The following SAMMSON variants were observed in gnomAD, a reference collection of about 807,000 sequenced individuals.
SAMMSON encodes the protein long intergenic non-protein coding RNA 1212.
chr3:70,409,943 C>T (rs978753218), intron 2 of SAMMSON, among the ~76,000 whole-genome samples: 1 of 152,046 alleles, frequency 6.6e-6, no homozygotes, highest in African/African-American at 2.4e-5. Flanking sequence ...GAGCATAATA[C>T]CCAACAGTTT....
At chr3:70,061,221 T>C (rs1333922848) in intron 3 of SAMMSON, among the ~76,000 whole-genome samples, 2 of 152,086 alleles carry the variant, frequency 1.3e-5, no homozygotes, top group Middle Eastern at 3.4e-3. Context: ...TGTGTTGTGG[T>C]TGAGATACCG....
intron 4 of SAMMSON, among the ~76,000 whole-genome samples, chr3:70,224,405 T>C (rs907898729): frequency 1.3e-5 from 2 of 152,228 alleles, no homozygotes; most frequent in Non-Finnish European, 2.9e-5. Flanking sequence ...CTACCTATTC[T>C]AGAAGCCCTT....
chr3:70,029,479 C>T (rs536445942), intron 3 of SAMMSON, among the ~76,000 whole-genome samples: 12 of 152,138 alleles, frequency 7.9e-5, no homozygotes, highest in Admixed American at 6.5e-4. Context: ...TTTGGCGGGG[C>T]GTGGTAGCTC....
chr3:70,028,641 A>C (rs1200780955), intron 3 of SAMMSON, among the ~76,000 whole-genome samples: 1 of 152,212 alleles, frequency 6.6e-6, no homozygotes, highest in Non-Finnish European at 1.5e-5. Context: ...GGTAGAAGAC[A>C]TTCCTTTGGG....
intron 4 of SAMMSON, among the ~76,000 whole-genome samples, chr3:70,227,419 A>C (rs1366819397): frequency 6.6e-6 from 1 of 152,196 alleles, no homozygotes; most frequent in African/African-American, 2.4e-5. Flanking sequence ...CAAGTTCTGC[A>C]AAGAAGGCAA....
rs565833092 is a variant in SAMMSON, at chr3:70,307,250, G to A, written n.739+16007G>A. On this transcript the variant is annotated intron_variant and non_coding_transcript_variant, in intron 7 of 9. Coordinates refer to ENST00000642114, the Ensembl canonical transcript of SAMMSON. ...GTTACTTAACCTTTAACAATCAGGAGATCTCACAAAGAAATCCAGATTTCC... is the reference window on the plus strand; with the variant it reads ...GTTACTTAACCTTTAACAATCAGGAAATCTCACAAAGAAATCCAGATTTCC... 1.4e-4 allele frequency among the ~76,000 whole-genome samples: 21 copies of A among 152,164 alleles called. No homozygotes were observed. In the South Asian group the frequency reaches 3.9e-3, roughly 29 times the overall value.
chr3:70,270,650 A>T (rs1701967233), intron 6 of SAMMSON, among the ~76,000 whole-genome samples: 1 of 152,190 alleles, frequency 6.6e-6, no homozygotes, highest in African/African-American at 2.4e-5. Flanking sequence ...CCTGGGATGG[A>T]TCTTTAATAT....
intron 4 of SAMMSON, among the ~76,000 whole-genome samples, chr3:70,122,285 T>A (rs1226468340): frequency 6.6e-6 from 1 of 152,142 alleles, no homozygotes; most frequent in Admixed American, 6.5e-5. Flanking sequence ...CTTTACCTCC[T>A]GGGCTCAAGC....
At chr3:70,231,072 C>T (rs1278335675) in intron 4 of SAMMSON, among the ~76,000 whole-genome samples, 4 of 152,178 alleles carry the variant, frequency 2.6e-5, no homozygotes, top group African/African-American at 9.7e-5. Context: ...TTCTACCATT[C>T]CTGACATAAC....
At chr3:70,198,198 A>G (rs1701200180) in intron 4 of SAMMSON, among the ~76,000 whole-genome samples, 2 of 152,192 alleles carry the variant, frequency 1.3e-5, no homozygotes, top group South Asian at 2.1e-4. Flanking sequence ...GTAACATTCT[A>G]GCATGAATTA....
At chr3:70,329,518 T>C (rs1049079299) in intron 7 of SAMMSON, among the ~76,000 whole-genome samples, 1 of 151,916 alleles carries the variant, frequency 6.6e-6, no homozygotes, top group African/African-American at 2.4e-5. Flanking sequence ...AAAAATATTG[T>C]ATTATAGAAA....
intron 6 of SAMMSON, among the ~76,000 whole-genome samples, chr3:70,285,393 G>T (rs1405489110): frequency 6.6e-6 from 1 of 151,822 alleles, no homozygotes; most frequent in South Asian, 2.1e-4. Flanking sequence ...GAACTCATCA[G>T]TTTTTATGGC....
intron 4 of SAMMSON, among the ~76,000 whole-genome samples, chr3:70,245,640 G>A (rs1268446115): frequency 1.7e-5 from 2 of 118,742 alleles, no homozygotes; most frequent in Non-Finnish European, 3.4e-5. Context: ...ATCAGAATAT[G>A]GATTCTTGCA....
chr3:70,399,737 G>C (rs925507720), intron 2 of SAMMSON, among the ~76,000 whole-genome samples: 1 of 151,610 alleles, frequency 6.6e-6, no homozygotes, highest in Non-Finnish European at 1.5e-5. Flanking sequence ...GGATGTGGTG[G>C]TGTGTGCCTG....
intron 7 of SAMMSON, among the ~76,000 whole-genome samples, chr3:70,350,424 G>T (rs71298340): frequency 6.6e-6 from 1 of 151,848 alleles, no homozygotes; most frequent in East Asian, 1.9e-4. Context: ...TTAAAGTATA[G>T]TATTGGTATC....
chr3:70,143,594 G>A lies in SAMMSON; in HGVS notation n.507+72029G>A, dbSNP rs1353098250. On this transcript the variant is annotated intron_variant and non_coding_transcript_variant, in intron 4 of 9. Coordinates refer to ENST00000642114, the Ensembl canonical transcript of SAMMSON. Reference sequence around the variant, plus strand: ...CATCCTATTGGGTTTGGCCAATGGGGGTTTCCAGCAGAGAGTAAGAGGGTG... The same window carrying A: ...CATCCTATTGGGTTTGGCCAATGGGAGTTTCCAGCAGAGAGTAAGAGGGTG... Among the ~76,000 whole-genome samples, 5 of 152,084 alleles carry A rather than the reference G, an allele frequency of 3.3e-5. No homozygotes were observed. In the South Asian group the frequency reaches 6.2e-4, roughly 19 times the overall value.
intron 9 of SAMMSON, among the ~76,000 whole-genome samples, chr3:70,369,391 T>A (rs962603382): frequency 1.8e-4 from 28 of 151,726 alleles, no homozygotes; most frequent in Admixed American, 3.9e-4. Context: ...AGGAAAAAAA[T>A]TTTTTAAATT....
chr3:70,101,765 G>T (rs1022640733), intron 4 of SAMMSON, among the ~76,000 whole-genome samples: 1 of 152,012 alleles, frequency 6.6e-6, no homozygotes, highest in Non-Finnish European at 1.5e-5. Context: ...CATTTGACTC[G>T]TAAGGAAACA....
At chr3:70,315,261 T>TC (rs1702487119) in intron 7 of SAMMSON, among the ~76,000 whole-genome samples, 1 of 152,166 alleles carries the variant, frequency 6.6e-6, no homozygotes, top group Non-Finnish European at 1.5e-5. Flanking sequence ...TTATCATTTT[T>TC]CTCTGCTTGG....
Sources: gnomAD v4.1 joint callset for allele counts (sites outside exome capture counted in the v4.1 genomes callset) on GRCh38, gnomAD v4.1.1 for gene constraint, MANE v1.5 for transcripts, NCBI Gene and HGNC (gene_info 2026-07-23, HGNC 2026-07-21) for gene names.